The following OGDH variants were observed in gnomAD, a reference collection of about 807,000 sequenced individuals.
OGDH encodes the protein 2-oxoglutarate dehydrogenase complex component E1.
OGDH carries 38 observed loss-of-function variants against 116.6 expected under a neutral mutation model. That is an observed-to-expected ratio of 0.33 (90% CI 0.25 to 0.43). OGDH has a LOEUF of 0.43. Among genes scored for constraint, OGDH ranks in the 20% least tolerant of loss-of-function variants. The probability of loss-of-function intolerance (pLI) is 1.00; values close to 1 mark genes in which losing one functional copy is unlikely to be tolerated. For missense variants in OGDH, 825 were observed against 1,357.2 expected (o/e 0.61, Z 6.16); for synonymous variants, 488 against 533.3 (o/e 0.92, Z 1.17).
chr7:44,687,846 A>G (rs1788198727), intron 10 of OGDH, among the ~76,000 whole-genome samples: 1 of 152,124 alleles, frequency 6.6e-6, no homozygotes, highest in Non-Finnish European at 1.5e-5. Flanking sequence ...AATACGTGCA[A>G]CTATCACAGT....
chr7:44,660,662 T>C (rs868839800), intron 4 of OGDH, among the ~76,000 whole-genome samples: 13 of 152,092 alleles, frequency 8.5e-5, no homozygotes, highest in South Asian at 4.1e-4. Context: ...GGCATGGTGG[T>C]TCATGCCTAT....
intron 4 of OGDH, among the ~76,000 whole-genome samples, chr7:44,657,591 C>T (rs971366764): frequency 6.6e-6 from 1 of 152,126 alleles, no homozygotes; most frequent in South Asian, 2.1e-4. Context: ...TTTTTTCCCC[C>T]TCGTTTCCTA....
chr7:44,697,537 C>T lies in OGDH; in HGVS notation c.2179+40C>T, dbSNP rs1454745739. On this transcript the variant is annotated intron_variant, in intron 16 of 22. Coordinates refer to ENST00000222673, the MANE Select transcript of OGDH (RefSeq NM_002541.4). This position sits in a 1 kb window ranked among gnomAD's most constrained non-coding sequence, Gnocchi z 6.0. The stretch of plus-strand genomic sequence containing the variant: ...CCACACCACCAGGGCCTGTCACCCA[C>T]CCACCCCCGCTGGGCCTACTGGCTG... 6.2e-7 allele frequency: 1 copy of T among 1,613,148 alleles called. No individual in the cohort carries two copies. The highest frequency in any genetic ancestry group is 1.3e-5 in the African/African-American group (1 of 74,912).
chr7:44,609,584 G>A (rs1585204104), intron 1 of OGDH, among the ~76,000 whole-genome samples: 1 of 151,392 alleles, frequency 6.6e-6, no homozygotes, highest in Non-Finnish European at 1.5e-5. Flanking sequence ...TACCACATTT[G>A]GTTTATTCAT....
At chr7:44,667,695 C>T (rs761561350) in intron 5 of OGDH, among the ~76,000 whole-genome samples, 1 of 152,154 alleles carries the variant, frequency 6.6e-6, no homozygotes, top group African/African-American at 2.4e-5. Context: ...AGGGTGACTT[C>T]TATGCCCATT....
intron 1 of OGDH, among the ~76,000 whole-genome samples, chr7:44,617,599 G>C (rs1784853983): frequency 6.6e-6 from 1 of 152,190 alleles, no homozygotes; most frequent in Non-Finnish European, 1.5e-5. Flanking sequence ...ATTGATATCT[G>C]TACTCTGTAC....
intron 1 of OGDH, among the ~76,000 whole-genome samples, chr7:44,611,717 A>G (rs1254592792): frequency 6.6e-6 from 1 of 151,910 alleles, no homozygotes; most frequent in Admixed American, 6.6e-5. Context: ...GGCCACTTTT[A>G]TAAAATTTTT....
At chr7:44,652,554 T>C (rs996548369) in intron 4 of OGDH, among the ~76,000 whole-genome samples, 1 of 152,158 alleles carries the variant, frequency 6.6e-6, no homozygotes, top group African/African-American at 2.4e-5. Flanking sequence ...TGAGATACTT[T>C]ATTTTTTTAT....
At position 44,624,575 on chromosome 7, in the gene OGDH, G is replaced by A. The variant is rs750771174; in HGVS notation, c.222+10G>A. ...CAAAAGTGTACATAAGGTAAGGCTC[G>A]CAGGGCTGTGGGTCTGCCTCATGTT... On this transcript the variant is annotated intron_variant, in intron 2 of 22. Transcript: ENST00000222673. The A allele has an allele frequency of 9.9e-6, 16 of 1,609,768 alleles. No individual in the cohort carries two copies. The East Asian group carries it at 2.2e-4, about 22-fold the overall frequency.
intron 2 of OGDH, among the ~76,000 whole-genome samples, chr7:44,630,714 T>C (rs1160253160): frequency 6.6e-6 from 1 of 152,212 alleles, no homozygotes; most frequent in East Asian, 1.9e-4. Flanking sequence ...TAATACCTAA[T>C]ACAAGGTAAA....
At chr7:44,629,575 CTTTTCTTTTT>C (rs1785344425) in intron 2 of OGDH, among the ~76,000 whole-genome samples, 2 of 134,434 alleles carry the variant, frequency 1.5e-5, no homozygotes, top group Non-Finnish European at 1.6e-5. Context: ...TTTTCTTTTT[CTTTTCTTTTT>C]TTTTTTTTTT....
chr7:44,613,250 A>G (rs1784636222), intron 1 of OGDH, among the ~76,000 whole-genome samples: 1 of 151,812 alleles, frequency 6.6e-6, no homozygotes, highest in Admixed American at 6.6e-5. Flanking sequence ...ATCTCGGCTC[A>G]CTGCAACCTC....
At position 44,707,831 on chromosome 7, in the gene OGDH, C is replaced by T; in HGVS notation, c.2952-48C>T. 1 of 1,608,128 alleles carries T rather than the reference C, an allele frequency of 6.2e-7. No homozygotes were observed. Among genetic ancestry groups the T allele is most frequent in the Admixed American group, 1.7e-5 (1 of 59,768 alleles). ...ACATGCAGCAGAGGGATGGGCTGGG[C>T]CAACTCAGTGTCCCCTGCCCTCACT... On this transcript the variant is annotated intron_variant, in intron 22 of 22. Transcript: ENST00000222673. The surrounding 1 kb of genome is among the most constrained non-coding windows in gnomAD (Gnocchi z 5.2).
At position 44,645,363 on chromosome 7, in the gene OGDH, G is replaced by T. The variant is rs756836223; in HGVS notation, c.259G>T (p.Ala87Ser). ...DIFFRNTNAG[A>S]PPGTAYQSPL... ...TTTTTTTCGCAACACGAATGCCGGA[G>T]CCCCACCGGGCACTGCCTACCAGAG... is the stretch of plus-strand genomic sequence containing the variant. The change falls in exon 3 of 23, where the codon GCC becomes TCC. Residue 87 changes from alanine (A) to serine (S), a missense_variant. Coordinates refer to ENST00000222673, the MANE Select transcript of OGDH (RefSeq NM_002541.4). 2.5e-5 allele frequency: 41 copies of T among 1,613,944 alleles called. No homozygotes were observed. Among genetic ancestry groups the T allele is most frequent in the Non-Finnish European group, 3.4e-5 (40 of 1,179,998 alleles).
chr7:44,688,852 C>T (rs551303993), intron 10 of OGDH, among the ~76,000 whole-genome samples: 389 of 152,202 alleles, frequency 2.6e-3, no homozygotes, highest in Non-Finnish European at 4.5e-3. Context: ...CGGGTTCAAA[C>T]GATTCTAGTG....
intron 1 of OGDH, among the ~76,000 whole-genome samples, chr7:44,611,273 T>A (rs1490075779): frequency 6.6e-6 from 1 of 151,502 alleles, no homozygotes; most frequent in African/African-American, 2.4e-5. Context: ...TGTTTTTTGG[T>A]TTTTTGAGAC....
At chr7:44,637,710 T>TG (rs1785733051) in intron 2 of OGDH, among the ~76,000 whole-genome samples, 1 of 151,494 alleles carries the variant, frequency 6.6e-6, no homozygotes, top group African/African-American at 2.4e-5. Flanking sequence ...CTGGGGAGGC[T>TG]GAGGCAGGAG....
chr7:44,634,383 A>G (rs1368239583), intron 2 of OGDH, among the ~76,000 whole-genome samples: 6 of 152,210 alleles, frequency 3.9e-5, no homozygotes, highest in Non-Finnish European at 7.3e-5. Context: ...ACAGCCCTCC[A>G]CAGCTCTTTT....
At chr7:44,629,427 C>T (rs1383821421) in intron 2 of OGDH, among the ~76,000 whole-genome samples, 1 of 152,174 alleles carries the variant, frequency 6.6e-6, no homozygotes, top group Non-Finnish European at 1.5e-5. Context: ...TCTAGGCCCT[C>T]CTGGCCATTT....
Sources: gnomAD v4.1 joint callset for allele counts (sites outside exome capture counted in the v4.1 genomes callset) on GRCh38, gnomAD v4.1.1 for gene constraint, Gnocchi (gnomAD v3.1) non-coding constraint, MANE v1.5 for transcripts, NCBI Gene and HGNC (gene_info 2026-07-23, HGNC 2026-07-21) for gene names.